CCDC146: variants seen among roughly 807,000 people sequenced by gnomAD.
CCDC146 encodes the protein coiled-coil domain-containing protein 146.
Under a neutral mutation model 119.3 loss-of-function variants are expected in CCDC146, and 92 were observed. The observed-to-expected ratio is 0.77, with a 90% CI of 0.65 to 0.92. CCDC146 has a LOEUF of 0.92. CCDC146 is among the 40% of genes least tolerant of loss of function. CCDC146 has a pLI of 0.00. For synonymous variants in CCDC146, 372 were observed against 371.8 expected, an observed-to-expected ratio of 1.00 and a Z score of -0.01; for missense variants, 1,000 against 1,103.0, an observed-to-expected ratio of 0.91 and a Z score of 1.32.
intron 9 of CCDC146, among the ~76,000 whole-genome samples, chr7:77,271,808 T>G (rs953758620): frequency 9.2e-5 from 14 of 152,012 alleles, no homozygotes; most frequent in Admixed American, 5.9e-4. Flanking sequence ...GTATTGTTTG[T>G]GTTTCAAAAT....
intron 4 of CCDC146, chr7:77,242,250 C>A: frequency 4.9e-6 from 2 of 404,284 alleles, no homozygotes; most frequent in Non-Finnish European, 7.6e-6. Context: ...TATAGCAGTA[C>A]CAGAGCACGC....
chr7:77,289,141 T>A (rs1024269298), intron 17 of CCDC146, among the ~76,000 whole-genome samples: 3 of 152,234 alleles, frequency 2.0e-5, no homozygotes, highest in African/African-American at 7.2e-5. Flanking sequence ...TCATGCACTT[T>A]GCCTGAATTA....
At chr7:77,164,802 C>G (rs1449374171) in intron 1 of CCDC146, among the ~76,000 whole-genome samples, 3 of 152,120 alleles carry the variant, frequency 2.0e-5, no homozygotes, top group Admixed American at 2.0e-4. Context: ...GAACCAGGAC[C>G]TACCAAGCCT....
Position 77,196,327 on chromosome 7 carries a change from G to A in CCDC146, c.156+28503G>A. 6.2e-7 allele frequency: 1 copy of A among 1,614,102 alleles called. No individual in the cohort carries two copies. The highest frequency in any genetic ancestry group is 8.5e-7 in the Non-Finnish European group (1 of 1,179,996). ...TGATCATCATCTTAGCCTCTTTGAA[G>A]GAGGACTTGTAGCCACCAGGGTGTG... On this transcript the variant is annotated intron_variant, in intron 2 of 18. Coordinates refer to ENST00000285871, the MANE Select transcript of CCDC146 (RefSeq NM_020879.3). The surrounding 1 kb of genome is among the most constrained non-coding windows in gnomAD (Gnocchi z 4.2).
intron 17 of CCDC146, among the ~76,000 whole-genome samples, chr7:77,288,194 C>T (rs1793882529): frequency 6.6e-6 from 1 of 152,158 alleles, no homozygotes; most frequent in South Asian, 2.1e-4. Context: ...CCTAGAAGTC[C>T]CCCTGGACTC....
chr7:77,242,260 C>T, intron 4 of CCDC146: 1 of 419,972 alleles, frequency 2.4e-6, no homozygotes, highest in Non-Finnish European at 3.5e-6. Context: ...CCAGAGCACG[C>T]ATCTGCATGG....
intron 1 of CCDC146, among the ~76,000 whole-genome samples, chr7:77,153,661 C>A (rs1157084182): frequency 1.3e-5 from 2 of 148,594 alleles, no homozygotes; most frequent in Non-Finnish European, 3.0e-5. Context: ...ATATGAAATG[C>A]TGGCAAGGAT....
At chr7:77,142,806 G>A (rs926033077) in intron 1 of CCDC146, among the ~76,000 whole-genome samples, 2 of 151,702 alleles carry the variant, frequency 1.3e-5, no homozygotes, top group African/African-American at 4.9e-5. Flanking sequence ...TCTCAATCCA[G>A]TCTATCATTG....
chr7:77,253,581 A>G (rs545631756), intron 4 of CCDC146, among the ~76,000 whole-genome samples: 70 of 152,350 alleles, frequency 4.6e-4, no homozygotes, highest in African/African-American at 1.6e-3. Flanking sequence ...TATTCATATT[A>G]ATTTTTACTG....
At chr7:77,258,653 G>A (rs1048268824) in intron 6 of CCDC146, among the ~76,000 whole-genome samples, 5 of 152,162 alleles carry the variant, frequency 3.3e-5, no homozygotes, top group African/African-American at 4.8e-5. Context: ...AGTAGGTTAG[G>A]TGTATTAAAT....
At chr7:77,233,378 C>T (rs1232812345) in intron 2 of CCDC146, among the ~76,000 whole-genome samples, 1 of 152,172 alleles carries the variant, frequency 6.6e-6, no homozygotes, top group Non-Finnish European at 1.5e-5. Flanking sequence ...AGACGTGAGC[C>T]ACAGTGCCCG....
intron 2 of CCDC146, among the ~76,000 whole-genome samples, chr7:77,189,687 C>T (rs1245725872): frequency 6.6e-6 from 1 of 152,192 alleles, no homozygotes; most frequent in Non-Finnish European, 1.5e-5. Flanking sequence ...TCTCACCACC[C>T]CAGACCCTCT....
chr7:77,287,986 A>T (rs17151066), intron 17 of CCDC146, among the ~76,000 whole-genome samples: 36,451 of 152,170 alleles, frequency 0.24, 5,173 homozygotes, highest in African/African-American at 0.38. Context: ...AAAGGGACTG[A>T]TAAAGAGAAA....
chr7:77,165,964 C>G (rs1225701583), intron 1 of CCDC146, among the ~76,000 whole-genome samples: 10 of 152,160 alleles, frequency 6.6e-5, no homozygotes, highest in African/African-American at 2.4e-4. Flanking sequence ...TTGCATGTGA[C>G]AGAAAATAAT....
chr7:77,250,451 G>A (rs1562847817), intron 4 of CCDC146, among the ~76,000 whole-genome samples: 1 of 152,180 alleles, frequency 6.6e-6, no homozygotes, highest in Non-Finnish European at 1.5e-5. Context: ...ACAAGGTACA[G>A]AGCTTTAGTT....
At chr7:77,156,166 G>A (rs2539184) in intron 1 of CCDC146, among the ~76,000 whole-genome samples, 2 of 152,132 alleles carry the variant, frequency 1.3e-5, no homozygotes, top group Admixed American at 6.5e-5. Flanking sequence ...TTACACATGC[G>A]TATAATCTAA....
At chr7:77,244,752 T>C (rs75610650) in intron 4 of CCDC146, among the ~76,000 whole-genome samples, 3,628 of 152,284 alleles carry the variant, frequency 0.024, 77 homozygotes, top group Non-Finnish European at 0.033. Flanking sequence ...AAGCAGCACA[T>C]GACTGCACAT....
At chr7:77,227,332 G>C (rs181947323) in intron 2 of CCDC146, among the ~76,000 whole-genome samples, 2 of 152,282 alleles carry the variant, frequency 1.3e-5, no homozygotes, top group African/African-American at 4.8e-5. Flanking sequence ...CTGAGACGGA[G>C]TCTTGCTCTG....
intron 1 of CCDC146, among the ~76,000 whole-genome samples, chr7:77,154,880 C>G (rs1182747113): frequency 6.6e-6 from 1 of 152,112 alleles, no homozygotes; most frequent in Non-Finnish European, 1.5e-5. Flanking sequence ...AATCGCCACA[C>G]TGTCTTCCAC....
Sources: gnomAD v4.1 joint callset for allele counts (sites outside exome capture counted in the v4.1 genomes callset) on GRCh38, gnomAD v4.1.1 for gene constraint, Gnocchi (gnomAD v3.1) non-coding constraint, MANE v1.5 for transcripts, NCBI Gene and HGNC (gene_info 2026-07-23, HGNC 2026-07-21) for gene names.